The following C12orf56 variants were observed in gnomAD, a reference collection of about 807,000 sequenced individuals.
C12orf56 encodes the protein uncharacterized protein C12orf56.
In C12orf56, 71 loss-of-function variants were observed where a neutral mutation model predicts 69.9. The ratio of observed to expected loss-of-function variants is 1.02; its 90% CI spans 0.84 to 1.24. The LOEUF is 1.24. C12orf56 is among the 50% of genes most tolerant of loss of function. The probability of loss-of-function intolerance (pLI) is 0.00; values close to 1 mark genes in which losing one functional copy is unlikely to be tolerated. For missense variants in C12orf56, 732 were observed against 738.5 expected, an observed-to-expected ratio of 0.99 and a Z score of 0.10; for synonymous variants, 276 against 274.1, an observed-to-expected ratio of 1.01 and a Z score of -0.07.
chr12:64,320,849 C>G lies in C12orf56; in HGVS notation c.489-1869G>C, dbSNP rs2038763023. Among the ~76,000 whole-genome samples, 3 of 152,180 alleles carry G rather than the reference C, an allele frequency of 2.0e-5. No homozygotes were observed. In the South Asian group the frequency reaches 6.2e-4, roughly 32 times the overall value. ...TGAACTTGGAAACTGACCAGTTTTC[C>G]AGAAGAACAGATTCCACTCAACCTC... On this transcript the variant is annotated intron_variant, in intron 3 of 12. Coordinates refer to ENST00000543942, the MANE Select transcript of C12orf56 (RefSeq NM_001170633.2).
chr12:64,353,115 T>C (rs570503100), intron 1 of C12orf56, 59 bp from the exon 2 acceptor site: 2 of 1,528,456 alleles, frequency 1.3e-6, no homozygotes, highest in Admixed American at 2.0e-5. Context: ...CCTATTTTGG[T>C]ATAATAAATC....
At chr12:64,377,196 T>A (rs2039653895) in intron 1 of C12orf56, among the ~76,000 whole-genome samples, 1 of 147,124 alleles carries the variant, frequency 6.8e-6, no homozygotes, top group Non-Finnish European at 1.5e-5. Flanking sequence ...TTGCCCACTT[T>A]TTTTTTTTTT....
chr12:64,374,602 G>T (rs544515459), intron 1 of C12orf56, among the ~76,000 whole-genome samples: 1 of 150,748 alleles, frequency 6.6e-6, no homozygotes, highest in East Asian at 2.0e-4. Flanking sequence ...GGAGTGCAGT[G>T]GCGAGATCTC....
At chr12:64,333,332 C>T (rs1306155469) in intron 2 of C12orf56, among the ~76,000 whole-genome samples, 2 of 152,096 alleles carry the variant, frequency 1.3e-5, no homozygotes, top group African/African-American at 2.4e-5. Flanking sequence ...GCACAATCAT[C>T]CTGTAACAGT....
At chr12:64,283,014 C>T (rs991618661) in intron 8 of C12orf56, among the ~76,000 whole-genome samples, 1 of 151,276 alleles carries the variant, frequency 6.6e-6, no homozygotes, top group Non-Finnish European at 1.5e-5. Flanking sequence ...TGGTGGTGCA[C>T]GCCTGTAATC....
intron 1 of C12orf56, among the ~76,000 whole-genome samples, chr12:64,357,452 GC>G (rs2135956559): frequency 6.7e-6 from 1 of 149,672 alleles, no homozygotes; most frequent in East Asian, 2.0e-4. Flanking sequence ...GAGCTCTGTA[GC>G]CAAGGCTGGA....
rs541339669 is a variant in C12orf56, at chr12:64,372,792, G to C, written c.252+17522C>G. Among the ~76,000 whole-genome samples, 4 of 152,280 alleles carry C rather than the reference G, an allele frequency of 2.6e-5. No individual in the cohort carries two copies. The South Asian group carries it at 8.3e-4, about 32-fold the overall frequency. On this transcript the variant is annotated intron_variant, in intron 1 of 12. Coordinates refer to ENST00000543942, the MANE Select transcript of C12orf56 (RefSeq NM_001170633.2). ...AGCCTCCCAAAGTGCTGGGATTACA[G>C]GCATGAGCCACCATGCCTGGCCAGG... is the stretch of plus-strand genomic sequence containing the variant.
At chr12:64,276,645 G>A (rs986093592) in intron 9 of C12orf56, among the ~76,000 whole-genome samples, 3 of 152,098 alleles carry the variant, frequency 2.0e-5, no homozygotes, top group Non-Finnish European at 2.9e-5. Context: ...TTTGCTTACT[G>A]TTTTGACCCT....
chr12:64,312,543 A>G lies in C12orf56; in HGVS notation c.968+136T>C, dbSNP rs541060474. 78 of 600,378 alleles carry G rather than the reference A, an allele frequency of 1.3e-4. No homozygotes were observed. In the South Asian group the frequency reaches 1.6e-3, roughly 12 times the overall value. The allele number at this position is 600,378 out of a possible 1,614,324, so 37.2% of individuals were successfully genotyped here. A position where few individuals can be genotyped will look rare whatever the true frequency, so the allele number is the denominator to read the frequency against. On this transcript the variant is annotated intron_variant, in intron 5 of 12. Transcript: ENST00000543942. ...AGAATCTCTTGAGCCCAGGAGGTAG[A>G]GGTTGCAGTGAGCCAAGACTGTGCC...
chr12:64,331,058 C>A lies in C12orf56; in HGVS notation c.416-26G>T. The A allele has an allele frequency of 2.0e-6, 3 of 1,473,832 alleles. No individual in the cohort carries two copies. In the South Asian group the frequency reaches 3.7e-5, roughly 18 times the overall value. 91.3% of individuals were successfully genotyped at this position (1,473,832 alleles called of 1,614,324 possible). A position where few individuals can be genotyped will look rare whatever the true frequency, so the allele number is the denominator to read the frequency against. Reference sequence around the variant, plus strand: ...CTTAAAAAAAAAATAGTTATTTGGTCATTAATTAAATAATTTGATTGAAAT... The same window carrying A: ...CTTAAAAAAAAAATAGTTATTTGGTAATTAATTAAATAATTTGATTGAAAT... On this transcript the variant is annotated intron_variant, in intron 2 of 12. Coordinates refer to ENST00000543942, the MANE Select transcript of C12orf56 (RefSeq NM_001170633.2).
In C12orf56 at chr12:64,266,663, A is replaced by G. The variant is rs1001506112; in HGVS notation, c.*520T>C. 3.4e-6 allele frequency: 3 copies of G among 881,114 alleles called. No homozygotes were observed. The highest frequency in any genetic ancestry group is 1.7e-5 in the African/African-American group (1 of 57,312). 54.6% of individuals were successfully genotyped at this position (881,114 alleles called of 1,614,324 possible). ...TGAAGAGCATGCTCCTGTGCCTGGC[A>G]TGGTTTCACCGAGAACACTGTGCCC... On this transcript the variant is annotated 3_prime_UTR_variant, in exon 13 of 13. Transcript: ENST00000543942.
In C12orf56 at chr12:64,266,628, C is replaced by A. The variant is rs559972401; in HGVS notation, c.*555G>T. On this transcript the variant is annotated 3_prime_UTR_variant, in exon 13 of 13. Transcript: ENST00000543942. ...AATGGTTTTTGGATGGCTCTGAGTA[C>A]AGAATCGGGTGAAGAGCATGCTCCT... The A allele has an allele frequency of 1.1e-5, 9 of 798,628 alleles. No homozygotes were observed. Among genetic ancestry groups the A allele is most frequent in the African/African-American group, 9.0e-5 (5 of 55,746 alleles). The allele number at this position is 798,628 out of a possible 1,614,324, so 49.5% of individuals were successfully genotyped here.
chr12:64,282,919 G>A (rs749861519), intron 8 of C12orf56, among the ~76,000 whole-genome samples: 19 of 152,080 alleles, frequency 1.2e-4, no homozygotes, highest in Non-Finnish European at 2.5e-4. Flanking sequence ...CGAAGCAGGC[G>A]GATCACCTGA....
At chr12:64,381,665 C>A (rs1031425211) in intron 1 of C12orf56, among the ~76,000 whole-genome samples, 12 of 152,178 alleles carry the variant, frequency 7.9e-5, no homozygotes, top group African/African-American at 2.9e-4. Context: ...AATGGTAGTT[C>A]CACCAACTGC....
intron 8 of C12orf56, among the ~76,000 whole-genome samples, chr12:64,281,705 C>T (rs901322136): frequency 1.3e-5 from 2 of 152,170 alleles, no homozygotes; most frequent in African/African-American, 4.8e-5. Context: ...TACAACCAGA[C>T]TCTACTATAG....
chr12:64,365,806 AAT>A (rs978355127), intron 1 of C12orf56, among the ~76,000 whole-genome samples: 54 of 140,474 alleles, frequency 3.8e-4, no homozygotes, highest in Non-Finnish European at 6.8e-4. Context: ...TATTATGTAT[AAT>A]ATATAGTGTA....
At chr12:64,311,080 G>T (rs1329511128) in intron 5 of C12orf56, among the ~76,000 whole-genome samples, 1 of 152,062 alleles carries the variant, frequency 6.6e-6, no homozygotes, top group East Asian at 1.9e-4. Flanking sequence ...AGTATTCCAT[G>T]GTGTATATGT....
chr12:64,303,782 A>G lies in C12orf56; in HGVS notation c.969-3T>C, dbSNP rs1280838087. 1 of 1,570,420 alleles carries G rather than the reference A, an allele frequency of 6.4e-7. No individual in the cohort carries two copies. The highest frequency in any genetic ancestry group is 2.0e-5 in the Admixed American group (1 of 49,490). On this transcript the variant is annotated splice_polypyrimidine_tract_variant and splice_region_variant and intron_variant, in intron 5 of 12. Coordinates refer to ENST00000543942, the MANE Select transcript of C12orf56 (RefSeq NM_001170633.2). ...AGTGCTTAATTTTCTCCTCAGACCT[A>G]CAGAAACAGAAGAAAATTTTCCACT...
chr12:64,299,585 G>A (rs1347576), intron 6 of C12orf56, among the ~76,000 whole-genome samples: 106,927 of 152,128 alleles, frequency 0.7, 38,790 homozygotes, highest in Non-Finnish European at 0.8. Context: ...CCTGGAATAT[G>A]CATGCATTGT....
Sources: allele counts gnomAD v4.1 joint callset (sites outside exome capture counted in the v4.1 genomes callset), GRCh38; gene constraint gnomAD v4.1.1; transcripts MANE v1.5; gene names NCBI Gene and HGNC (gene_info 2026-07-23, HGNC 2026-07-21).